Variants in LRRC28 observed in about 807,000 individuals in gnomAD.
LRRC28 encodes leucine rich repeat containing 28.
LRRC28 carries 39 observed loss-of-function variants against 45.7 expected under a neutral mutation model. That is an observed-to-expected ratio of 0.85 (90% CI 0.66 to 1.12). LRRC28 has a LOEUF of 1.12. Among genes scored for constraint, LRRC28 ranks in the 50% most tolerant of loss-of-function variants. LRRC28 has a pLI of 0.00. For missense variants in LRRC28, 435 were observed against 438.5 expected (o/e 0.99, Z 0.07); for synonymous variants, 206 against 178.8 (o/e 1.15, Z -1.22).
At chr15:99,283,716 A>T (rs796956489) in intron 3 of LRRC28, among the ~76,000 whole-genome samples, 4 of 151,790 alleles carry the variant, frequency 2.6e-5, no homozygotes, top group African/African-American at 4.8e-5. Context: ...TTTAACATTT[A>T]AAAAAAACTG....
intron 6 of LRRC28, 61 bp from the exon 7 acceptor site, chr15:99,352,308 A>G: frequency 1.8e-6 from 2 of 1,118,630 alleles, no homozygotes; most frequent in Non-Finnish European, 2.6e-6. Flanking sequence ...ATTAAATTTT[A>G]TATTTCACAT....
chr15:99,372,982 C>CTCACTCACTA (rs1194413565), intron 9 of LRRC28, among the ~76,000 whole-genome samples: 2 of 151,934 alleles, frequency 1.3e-5, no homozygotes, highest in Admixed American at 6.6e-5. Flanking sequence ...CTCATGAGAA[C>CTCACTCACTA]TCACTCACTA....
At chr15:99,341,082 T>C (rs573844307) in intron 6 of LRRC28, among the ~76,000 whole-genome samples, 2 of 134,622 alleles carry the variant, frequency 1.5e-5, no homozygotes, top group Admixed American at 1.5e-4. Context: ...TATTCTACTG[T>C]CTTTTTTTTT....
intron 9 of LRRC28, among the ~76,000 whole-genome samples, chr15:99,365,300 C>G (rs1005084120): frequency 2.0e-5 from 3 of 152,214 alleles, no homozygotes; most frequent in African/African-American, 7.2e-5. Context: ...ATGAGTATAT[C>G]AAGTACATAG....
chr15:99,312,041 A>C (rs1955432243), intron 5 of LRRC28, among the ~76,000 whole-genome samples: 1 of 152,192 alleles, frequency 6.6e-6, no homozygotes, highest in Admixed American at 6.5e-5. Context: ...AAAAACCCTC[A>C]AGAATTATAG....
At chr15:99,368,906 C>A (rs1387860459) in intron 9 of LRRC28, among the ~76,000 whole-genome samples, 3 of 152,198 alleles carry the variant, frequency 2.0e-5, no homozygotes, top group African/African-American at 7.2e-5. Context: ...TTACTCACAT[C>A]TATAAGCAGC....
intron 6 of LRRC28, 111 bp from the exon 7 acceptor site, chr15:99,352,258 C>T (rs1446309075): frequency 2.6e-6 from 2 of 762,412 alleles, no homozygotes; most frequent in African/African-American, 1.8e-5. Context: ...TTATGGTTTT[C>T]TTCCAGAGTA....
chr15:99,380,862 C>T (rs1218404712), intron 9 of LRRC28, among the ~76,000 whole-genome samples: 1 of 152,152 alleles, frequency 6.6e-6, no homozygotes, highest in Non-Finnish European at 1.5e-5. Context: ...ACTGTTGGTC[C>T]CCACTCTCTT....
intron 9 of LRRC28, among the ~76,000 whole-genome samples, chr15:99,370,161 C>T (rs1009696606): frequency 6.6e-6 from 1 of 152,152 alleles, no homozygotes; most frequent in Non-Finnish European, 1.5e-5. Context: ...GGGATTTGAA[C>T]CCCAATAGTC....
At chr15:99,291,216 G>T (rs180765077) in intron 5 of LRRC28, among the ~76,000 whole-genome samples, 13 of 152,200 alleles carry the variant, frequency 8.5e-5, no homozygotes, top group African/African-American at 2.6e-4. Flanking sequence ...GAAATTCGAG[G>T]CATATACTTG....
chr15:99,365,945 T>C (rs1957328766), intron 9 of LRRC28, among the ~76,000 whole-genome samples: 1 of 152,252 alleles, frequency 6.6e-6, no homozygotes, highest in African/African-American at 2.4e-5. Context: ...AACTTATTGT[T>C]CATTTATTAA....
intron 5 of LRRC28, among the ~76,000 whole-genome samples, chr15:99,311,608 C>T (rs1311353804): frequency 2.0e-5 from 3 of 152,248 alleles, no homozygotes; most frequent in Non-Finnish European, 4.4e-5. Context: ...GACACACAGA[C>T]CCAATCTGGT....
chr15:99,339,332 C>A (rs1241898027), intron 6 of LRRC28, among the ~76,000 whole-genome samples: 1 of 152,172 alleles, frequency 6.6e-6, no homozygotes, highest in Non-Finnish European at 1.5e-5. Context: ...GGAAATGCCA[C>A]GTCAGCCAAA....
At chr15:99,333,708 T>A (rs1956228687) in intron 5 of LRRC28, 1 of 594,518 alleles carries the variant, frequency 1.7e-6, no homozygotes, top group South Asian at 2.1e-5. Flanking sequence ...CCAGCCCTTT[T>A]CTCCATTTAA....
chr15:99,363,720 A>G (rs1311004651), intron 9 of LRRC28, among the ~76,000 whole-genome samples: 2 of 152,126 alleles, frequency 1.3e-5, no homozygotes, highest in Non-Finnish European at 2.9e-5. Flanking sequence ...TGAATTTTTA[A>G]CCCTTCCAAA....
chr15:99,386,038 CTG>C lies in LRRC28; in HGVS notation c.1042_1043del (p.Val348Ter), dbSNP rs1487349125. 3 of 1,613,896 alleles carry C rather than the reference CTG, an allele frequency of 1.9e-6. No individual in the cohort carries two copies. The highest frequency in any genetic ancestry group is 1.7e-6 in the Non-Finnish European group (2 of 1,179,904). On this transcript the variant is annotated frameshift_variant, in exon 10 of 10. Coordinates refer to ENST00000301981, the MANE Select transcript of LRRC28 (RefSeq NM_144598.5). LOFTEE classifies it high-confidence loss of function. Reference sequence around the variant, plus strand: ...CCTTTTTCCCCTTCCAGGAAGACAACTGTTAGTTTTGTGGCTTACTGCTGCTC... The same window carrying C: ...CCTTTTTCCCCTTCCAGGAAGACAACTTAGTTTTGTGGCTTACTGCTGCTC...
chr15:99,333,789 C>T (rs1214726267), intron 5 of LRRC28, 134 bp from the exon 6 acceptor site: 1 of 889,154 alleles, frequency 1.1e-6, no homozygotes, highest in East Asian at 2.6e-5. Context: ...AAAAATCCTG[C>T]ACTTCAGCAT....
chr15:99,313,040 G>A (rs1194143436), intron 5 of LRRC28, among the ~76,000 whole-genome samples: 1 of 152,184 alleles, frequency 6.6e-6, no homozygotes, highest in African/African-American at 2.4e-5. Context: ...TTTGTCAGAA[G>A]AGGTACAATT....
At chr15:99,312,660 G>T (rs1310282215) in intron 5 of LRRC28, among the ~76,000 whole-genome samples, 1 of 152,156 alleles carries the variant, frequency 6.6e-6, no homozygotes, top group African/African-American at 2.4e-5. Flanking sequence ...TGGCAGCATA[G>T]TAGGTTTGTG....
Sources: gnomAD v4.1 joint callset for allele counts (sites outside exome capture counted in the v4.1 genomes callset) on GRCh38, gnomAD v4.1.1 for gene constraint, MANE v1.5 for transcripts, NCBI Gene and HGNC (gene_info 2026-07-23, HGNC 2026-07-21) for gene names.